GALNT18: variants seen among roughly 807,000 people sequenced by gnomAD.
The protein encoded by GALNT18 is polypeptide N-acetylgalactosaminyltransferase 18, also known as GalNAc-transferase 18.
Under a neutral mutation model 69.5 loss-of-function variants are expected in GALNT18, and 44 were observed. The ratio of observed to expected loss-of-function variants is 0.63; its 90% confidence interval spans 0.50 to 0.81. The LOEUF (loss-of-function observed/expected upper bound fraction) is 0.81. Among genes scored for constraint, GALNT18 ranks in the 40% least tolerant of loss-of-function variants. The pLI is 0.00. For missense variants in GALNT18, 715 were observed against 810.0 expected (o/e 0.88, Z 1.42); for synonymous variants, 364 against 318.2 (o/e 1.14, Z -1.53).
chr11:11,513,690 G>C (rs1857208690), intron 1 of GALNT18, among the ~76,000 whole-genome samples: 1 of 152,242 alleles, frequency 6.6e-6, no homozygotes, highest in Non-Finnish European at 1.5e-5. Flanking sequence ...TATGGAATGA[G>C]AAGTCAGTTT....
chr11:11,507,838 G>C (rs1857095234), intron 1 of GALNT18, among the ~76,000 whole-genome samples: 1 of 152,194 alleles, frequency 6.6e-6, no homozygotes, highest in Non-Finnish European at 1.5e-5. Context: ...AGTGTGGTCA[G>C]AATAAAAGCA....
At position 11,274,717 on chromosome 11, in the gene GALNT18, C is replaced by G. The variant is rs138512729; in HGVS notation, c.1678-3427G>C. Among the ~76,000 whole-genome samples the G allele has an allele frequency of 4.8e-3, 734 of 152,310 alleles. 8 individuals carry two copies. Among genetic ancestry groups the G allele is most frequent in the African/African-American group, 0.016 (684 of 41,562 alleles). ...CCTCCCCTAGCCCTCCACTCCCTGA[C>G]AAGCCCCAGTGTGTGATGTTCCCCT... On this transcript the variant is annotated intron_variant, in intron 10 of 10. Coordinates refer to ENST00000227756, the MANE Select transcript of GALNT18 (RefSeq NM_198516.3).
chr11:11,477,556 T>C (rs1856429313), intron 1 of GALNT18, among the ~76,000 whole-genome samples: 1 of 152,180 alleles, frequency 6.6e-6, no homozygotes, highest in Admixed American at 6.5e-5. Context: ...AGATCACAGC[T>C]GGCAAATAGG....
intron 9 of GALNT18, among the ~76,000 whole-genome samples, chr11:11,308,874 T>C (rs1189994434): frequency 6.6e-6 from 1 of 152,176 alleles, no homozygotes; most frequent in East Asian, 1.9e-4. Context: ...TGGGGTGGTA[T>C]GCTGTGTTCC....
chr11:11,580,089 G>A (rs1386707130), intron 1 of GALNT18, among the ~76,000 whole-genome samples: 3 of 152,196 alleles, frequency 2.0e-5, no homozygotes, highest in Non-Finnish European at 4.4e-5. Flanking sequence ...GAGTTAAAGA[G>A]ACAGACAGAT....
At chr11:11,366,653 G>C (rs1850776589) in intron 6 of GALNT18, among the ~76,000 whole-genome samples, 1 of 151,906 alleles carries the variant, frequency 6.6e-6, no homozygotes, top group South Asian at 2.1e-4. Flanking sequence ...CGAAAATATA[G>C]ATGAAAGGTA....
Position 11,461,863 on chromosome 11 carries a change from T to C in GALNT18, c.236-12927A>G, listed in dbSNP as rs1856051576. On this transcript the variant is annotated intron_variant, in intron 1 of 10. Coordinates refer to ENST00000227756, the MANE Select transcript of GALNT18 (RefSeq NM_198516.3). The surrounding 1 kb of genome is among the most constrained non-coding windows in gnomAD (Gnocchi z 4.1). The stretch of plus-strand genomic sequence containing the variant: ...TTTCAAGGCTCTGCTACAAGAGTCC[T>C]TGCTTTGGGAAACCTGCAGCCTGAA... 6.6e-6 allele frequency among the ~76,000 whole-genome samples: 1 copy of C among 152,240 alleles called. No individual in the cohort carries two copies. Among genetic ancestry groups the C allele is most frequent in the Admixed American group, 6.5e-5 (1 of 15,280 alleles).
In GALNT18 at chr11:11,281,881, G is replaced by GT. The variant is rs757675487; in HGVS notation, c.1678-10592dup. The stretch of plus-strand genomic sequence containing the variant: ...ATCTGAGCCTGTCAGGGAGGGTGGA[G>GT]TATGAGGCCAGGAGAGCTCCCTCCC... On this transcript the variant is annotated intron_variant, in intron 10 of 10. Coordinates refer to ENST00000227756, the MANE Select transcript of GALNT18 (RefSeq NM_198516.3). Among the ~76,000 whole-genome samples, 55 of 151,954 alleles carry GT rather than the reference G, an allele frequency of 3.6e-4. 1 individual carries two copies. The highest frequency in any genetic ancestry group is 5.9e-4 in the Non-Finnish European group (40 of 68,002).
intron 6 of GALNT18, among the ~76,000 whole-genome samples, chr11:11,355,086 C>T (rs908255115): frequency 2.6e-5 from 4 of 152,212 alleles, no homozygotes; most frequent in African/African-American, 9.7e-5. Flanking sequence ...CCTGGTCTTT[C>T]TGCGTTGTCG....
intron 6 of GALNT18, among the ~76,000 whole-genome samples, chr11:11,368,139 A>G (rs999905659): frequency 1.3e-5 from 2 of 152,352 alleles, no homozygotes; most frequent in East Asian, 1.9e-4. Context: ...TTATATCATA[A>G]TCTTCTGGGT....
At chr11:11,567,409 G>T (rs969575233) in intron 1 of GALNT18, among the ~76,000 whole-genome samples, 1 of 152,092 alleles carries the variant, frequency 6.6e-6, no homozygotes, top group African/African-American at 2.4e-5. Flanking sequence ...TTGGAGGCTC[G>T]GTATCTTAAG....
chr11:11,276,703 G>A lies in GALNT18; in HGVS notation c.1678-5413C>T, dbSNP rs376253565. The stretch of plus-strand genomic sequence containing the variant: ...ATGTTCCATCGATACCTAGTTTATT[G>A]AGAGTGTTTGGCATGAAGGGGTATT... On this transcript the variant is annotated intron_variant, in intron 10 of 10. Coordinates refer to ENST00000227756, the MANE Select transcript of GALNT18 (RefSeq NM_198516.3). Among the ~76,000 whole-genome samples the A allele has an allele frequency of 3.2e-4, 48 of 151,840 alleles. 2 individuals are homozygous for A. In the East Asian group the frequency reaches 7.3e-3, roughly 23 times the overall value.
At chr11:11,403,188 A>G (rs1854506085) in intron 3 of GALNT18, among the ~76,000 whole-genome samples, 1 of 152,194 alleles carries the variant, frequency 6.6e-6, no homozygotes, top group African/African-American at 2.4e-5. Context: ...TCCCACAGGA[A>G]GGGCCTTCCA....
rs766539697 is a variant in GALNT18, at chr11:11,454,143, G to A, written c.236-5207C>T. Among the ~76,000 whole-genome samples the A allele has an allele frequency of 6.6e-6, 1 of 152,204 alleles. No individual in the cohort carries two copies. Among genetic ancestry groups the A allele is most frequent in the African/African-American group, 2.4e-5 (1 of 41,444 alleles). On this transcript the variant is annotated intron_variant, in intron 1 of 10. Transcript: ENST00000227756. This position sits in a 1 kb window ranked among gnomAD's most constrained non-coding sequence, Gnocchi z 4.2. ...CAAATCTTTCAGAGGGAGTAGAAAGGGGGCTGCAGTCCTGTGCCAGCAGGT... is the reference window on the plus strand; with the variant it reads ...CAAATCTTTCAGAGGGAGTAGAAAGAGGGCTGCAGTCCTGTGCCAGCAGGT...
At chr11:11,484,996 C>T (rs1488186058) in intron 1 of GALNT18, among the ~76,000 whole-genome samples, 2 of 152,226 alleles carry the variant, frequency 1.3e-5, no homozygotes, top group Non-Finnish European at 2.9e-5. Flanking sequence ...TCTATGAGAC[C>T]TTGGGCAAGT....
chr11:11,390,216 G>T (rs576459820), intron 3 of GALNT18, among the ~76,000 whole-genome samples: 1 of 152,220 alleles, frequency 6.6e-6, no homozygotes, highest in East Asian at 1.9e-4. Context: ...AGCCTTCTCT[G>T]CAAGACTGTG....
intron 1 of GALNT18, among the ~76,000 whole-genome samples, chr11:11,611,371 C>G (rs1193296018): frequency 6.6e-6 from 1 of 152,214 alleles, no homozygotes; most frequent in African/African-American, 2.4e-5. Context: ...AGAGAGGAGG[C>G]AGCCTGTGTG....
chr11:11,419,145 G>A lies in GALNT18; in HGVS notation c.595+13476C>T, dbSNP rs116801197. Among the ~76,000 whole-genome samples, 568 of 152,330 alleles carry A rather than the reference G, an allele frequency of 3.7e-3. 2 individuals are homozygous for A. Among genetic ancestry groups the A allele is most frequent in the Middle Eastern group, 0.024 (7 of 294 alleles). ...CCCTCTTTGGTTGGCTACAAATCAA[G>A]TCTCTACTCTAGCAGCACAGAAGGG... On this transcript the variant is annotated intron_variant, in intron 3 of 10. Transcript: ENST00000227756.
chr11:11,322,001 G>A (rs912484449), intron 9 of GALNT18, among the ~76,000 whole-genome samples: 1 of 152,136 alleles, frequency 6.6e-6, no homozygotes, highest in Non-Finnish European at 1.5e-5. Flanking sequence ...GAACCTTGAG[G>A]GTATTTACAC....
Sources: allele counts gnomAD v4.1 joint callset (sites outside exome capture counted in the v4.1 genomes callset), GRCh38; gene constraint gnomAD v4.1.1; non-coding constraint Gnocchi (gnomAD v3.1); transcripts MANE v1.5; gene names NCBI Gene and HGNC (gene_info 2026-07-23, HGNC 2026-07-21).